RYR2: variants seen among roughly 807,000 people sequenced by gnomAD.
The protein encoded by RYR2 is ryanodine receptor 2, also known as cardiac muscle ryanodine receptor-calcium release channel.
RYR2 carries 227 observed loss-of-function variants against 601.1 expected under a neutral mutation model. The ratio of observed to expected loss-of-function variants is 0.38; its 90% confidence interval spans 0.34 to 0.42. The LOEUF (loss-of-function observed/expected upper bound fraction) is 0.42. Among genes scored for constraint, RYR2 ranks in the 10% least tolerant of loss-of-function variants. The probability of loss-of-function intolerance (pLI) is 1.00; values close to 1 mark genes in which losing one functional copy is unlikely to be tolerated. For synonymous variants in RYR2, 2,223 were observed against 2,175.1 expected, an observed-to-expected ratio of 1.02 and a Z score of -0.61; for missense variants, 4,646 against 6,156.5, an observed-to-expected ratio of 0.75 and a Z score of 8.21.
At chr1:237,749,768 A>G (rs1247355882) in intron 80 of RYR2, among the ~76,000 whole-genome samples, 1 of 152,194 alleles carries the variant, frequency 6.6e-6, no homozygotes, top group Non-Finnish European at 1.5e-5. Context: ...AGTTTTTATC[A>G]CTTTTTATCA....
At chr1:237,351,642 G>A (rs532332861) in intron 3 of RYR2, among the ~76,000 whole-genome samples, 1 of 151,906 alleles carries the variant, frequency 6.6e-6, no homozygotes, top group South Asian at 2.1e-4. Context: ...CACTAGAAGT[G>A]GGAAATATCA....
At chr1:237,246,027 G>T (rs571816229) in intron 1 of RYR2, among the ~76,000 whole-genome samples, 8 of 151,912 alleles carry the variant, frequency 5.3e-5, no homozygotes, top group African/African-American at 1.2e-4. Context: ...TGATCTGCCC[G>T]CCTTGGCCTC....
intron 2 of RYR2, among the ~76,000 whole-genome samples, chr1:237,275,743 C>G (rs997852721): frequency 2.0e-5 from 3 of 152,128 alleles, no homozygotes; most frequent in Non-Finnish European, 4.4e-5. Flanking sequence ...ATATACCTTT[C>G]TTTAAAGTTC....
Position 237,550,654 on chromosome 1 carries a change from G to T in RYR2, c.3177G>T (p.Gly1059=). ...GCGAGGCTGTGCGCACGCTGCTGGG[G>T]TACGGCTACAACTTGGAAGCACCAG... The part of the protein sequence containing the change: ...SLREAVRTLL[G]YGYNLEAPDQ... The change falls in exon 27 of 105, where the codon GGG becomes GGT. Residue 1059 remains glycine, a synonymous_variant. Coordinates refer to ENST00000366574, the MANE Select transcript of RYR2 (RefSeq NM_001035.3). 6.4e-7 allele frequency: 1 copy of T among 1,569,018 alleles called. No individual in the cohort carries two copies. The highest frequency in any genetic ancestry group is 1.2e-5 in the South Asian group (1 of 85,398).
At chr1:237,829,098 T>G (rs1224612582) in intron 102 of RYR2, among the ~76,000 whole-genome samples, 1 of 152,198 alleles carries the variant, frequency 6.6e-6, no homozygotes, top group Non-Finnish European at 1.5e-5. Context: ...ATTCTGATGA[T>G]GAGGCTGGAG....
At chr1:237,616,989 C>T (rs536304893) in intron 37 of RYR2, among the ~76,000 whole-genome samples, 1 of 152,260 alleles carries the variant, frequency 6.6e-6, no homozygotes, top group South Asian at 2.1e-4. Flanking sequence ...CAGTTATCTC[C>T]ACCCAGCCCC....
At chr1:237,757,657 C>T (rs553723175) in intron 81 of RYR2, 40 bp from the exon 82 acceptor site, 63 of 1,324,954 alleles carry the variant, frequency 4.8e-5, no homozygotes, top group Non-Finnish European at 5.3e-5. Flanking sequence ...ATATAGAAGG[C>T]GAAATGATAT....
chr1:237,584,660 T>G (rs894697064), intron 29 of RYR2, among the ~76,000 whole-genome samples: 8 of 138,706 alleles, frequency 5.8e-5, no homozygotes, highest in African/African-American at 1.3e-4. Flanking sequence ...TTTTTTTTTT[T>G]TTTTTTTTTT....
chr1:237,590,013 C>A lies in RYR2; in HGVS notation c.3807+12C>A. The A allele has an allele frequency of 4.4e-6, 7 of 1,603,350 alleles. No homozygotes were observed. The highest frequency in any genetic ancestry group is 6.0e-6 in the Non-Finnish European group (7 of 1,174,348). On this transcript the variant is annotated intron_variant, in intron 30 of 104. Transcript: ENST00000366574. ...ATGAACATATAGAGGTTTGCTTTTT[C>A]TTTAAAAATCAGGCCATTTCTAAAA... is the stretch of plus-strand genomic sequence containing the variant.
chr1:237,575,386 G>A (rs2148326461), intron 29 of RYR2, among the ~76,000 whole-genome samples: 1 of 152,134 alleles, frequency 6.6e-6, no homozygotes, highest in Admixed American at 6.6e-5. Flanking sequence ...ATCATGTTTT[G>A]GGACCAAGGC....
intron 27 of RYR2, among the ~76,000 whole-genome samples, chr1:237,552,276 A>G (rs969826897): frequency 1.3e-5 from 2 of 152,190 alleles, no homozygotes; most frequent in Admixed American, 1.3e-4. Flanking sequence ...AATGGCAATC[A>G]AAGAGACTTC....
intron 1 of RYR2, among the ~76,000 whole-genome samples, chr1:237,115,118 C>G (rs552314845): frequency 1.3e-5 from 2 of 152,034 alleles, no homozygotes; most frequent in Non-Finnish European, 2.9e-5. Flanking sequence ...GGCTATCTGT[C>G]GGTACCTTTG....
At chr1:237,325,902 C>T (rs577305497) in intron 2 of RYR2, among the ~76,000 whole-genome samples, 66 of 151,972 alleles carry the variant, frequency 4.3e-4, no homozygotes, top group Non-Finnish European at 6.0e-4. Flanking sequence ...GGGACCTTCA[C>T]GCCGAGGGAG....
intron 1 of RYR2, among the ~76,000 whole-genome samples, chr1:237,237,008 A>G (rs1221336836): frequency 6.6e-6 from 1 of 152,194 alleles, no homozygotes; most frequent in Non-Finnish European, 1.5e-5. Context: ...CCATGCTGTT[A>G]TAATGATATG....
rs146506338 is a variant in RYR2, at chr1:237,263,644, T to A, written c.49-6853T>A. Among the ~76,000 whole-genome samples the A allele has an allele frequency of 1.7e-3, 264 of 152,288 alleles. 1 individual carries two copies. The highest frequency in any genetic ancestry group is 4.6e-3 in the South Asian group (22 of 4,828). On this transcript the variant is annotated intron_variant, in intron 1 of 104. Transcript: ENST00000366574. Reference sequence around the variant, plus strand: ...ATGTTTGTATGGGAGGAATGGAGTATCTTTTGTTTGATTCTTATTTGTTGT... The same window carrying A: ...ATGTTTGTATGGGAGGAATGGAGTAACTTTTGTTTGATTCTTATTTGTTGT...
chr1:237,290,010 A>G (rs1035307361), intron 2 of RYR2, among the ~76,000 whole-genome samples: 2 of 152,208 alleles, frequency 1.3e-5, no homozygotes, highest in African/African-American at 4.8e-5. Context: ...TGAGTTTACA[A>G]TACAACATAG....
chr1:237,657,617 T>C (rs1683377472), intron 53 of RYR2, among the ~76,000 whole-genome samples: 1 of 151,608 alleles, frequency 6.6e-6, no homozygotes, highest in South Asian at 2.1e-4. Context: ...CTTTTTTGTG[T>C]AATCTATTGT....
At chr1:237,482,941 T>C (rs1036972306) in intron 17 of RYR2, among the ~76,000 whole-genome samples, 4 of 152,190 alleles carry the variant, frequency 2.6e-5, no homozygotes, top group Admixed American at 2.6e-4. Context: ...TTTGCATTTC[T>C]CTGATGATCC....
At chr1:237,690,037 A>T (rs904105476) in intron 63 of RYR2, among the ~76,000 whole-genome samples, 9 of 152,114 alleles carry the variant, frequency 5.9e-5, no homozygotes, top group African/African-American at 2.2e-4. Flanking sequence ...GGGTTTCACC[A>T]TGTTGGCCAG....
Sources: gnomAD v4.1 joint callset for allele counts (sites outside exome capture counted in the v4.1 genomes callset) on GRCh38, gnomAD v4.1.1 for gene constraint, MANE v1.5 for transcripts, NCBI Gene and HGNC (gene_info 2026-07-23, HGNC 2026-07-21) for gene names.